The following SRSF10 variants were observed in gnomAD, a reference collection of about 807,000 sequenced individuals.
The protein encoded by SRSF10 is serine/arginine-rich splicing factor 10.
In SRSF10, 9 loss-of-function variants were observed where a neutral mutation model predicts 32.6. That is an observed-to-expected ratio of 0.28 (90% CI 0.17 to 0.48). The LOEUF (loss-of-function observed/expected upper bound fraction) is 0.48. Among genes scored for constraint, SRSF10 ranks in the 20% least tolerant of loss-of-function variants. SRSF10 has a pLI of 0.99. For missense variants in SRSF10, 201 were observed against 331.8 expected, an observed-to-expected ratio of 0.61 and a Z score of 3.06; for synonymous variants, 105 against 112.4, an observed-to-expected ratio of 0.93 and a Z score of 0.42.
chr1:23,978,545 A>G, intron 2 of SRSF10, 168 bp downstream of exon 2: 1 of 875,050 alleles, frequency 1.1e-6, no homozygotes, highest in East Asian at 3.0e-5. Flanking sequence ...TTTTTGGATT[A>G]ACTTTAATAA....
chr1:23,971,705 A>G, intron 4 of SRSF10, 79 bp from the exon 5 acceptor site: 1 of 1,540,078 alleles, frequency 6.5e-7, no homozygotes, highest in Non-Finnish European at 8.8e-7. Flanking sequence ...AAACCATAAA[A>G]CTTTTAAAAT....
At chr1:23,975,410 G>GA (rs1476296729) in intron 2 of SRSF10, 15 of 217,370 alleles carry the variant, frequency 6.9e-5, no homozygotes, top group East Asian at 6.2e-4. Flanking sequence ...AGACAAAAAA[G>GA]AAAAAACAAA....
At chr1:23,972,499 G>T (rs1045537806) in intron 3 of SRSF10, among the ~76,000 whole-genome samples, 1 of 151,680 alleles carries the variant, frequency 6.6e-6, no homozygotes, top group African/African-American at 2.4e-5. Flanking sequence ...GGAATGCAGT[G>T]GCGCAATCTC....
At chr1:23,978,248 G>A in intron 2 of SRSF10, 2 of 985,990 alleles carry the variant, frequency 2.0e-6, no homozygotes, top group Non-Finnish European at 2.4e-6. Context: ...CTTTGGGGTC[G>A]CCATAACTGT....
intron 1 of SRSF10, among the ~76,000 whole-genome samples, chr1:23,979,663 A>G (rs1168281684): frequency 6.6e-6 from 1 of 152,178 alleles, no homozygotes; most frequent in Non-Finnish European, 1.5e-5. Flanking sequence ...TAACTCCCCA[A>G]ATCTCAACGC....
chr1:23,967,820 G>A lies in SRSF10; in HGVS notation c.*3322C>T. The A allele has an allele frequency of 6.4e-7, 1 of 1,574,276 alleles. No individual in the cohort carries two copies. The highest frequency in any genetic ancestry group is 2.3e-5 in the East Asian group (1 of 44,266). ...GTTGAACTGGATGTAGCAGCTTACT[G>A]GGCCAAATTTTCAAGAGAATAATAC... On this transcript the variant is annotated 3_prime_UTR_variant, in exon 6 of 6. Coordinates refer to ENST00000492112, the MANE Select transcript of SRSF10 (RefSeq NM_054016.4).
chr1:23,971,038 T>C lies in SRSF10; in HGVS notation c.*104A>G. The C allele has an allele frequency of 6.7e-7, 1 of 1,502,956 alleles. No homozygotes were observed. Among genetic ancestry groups the C allele is most frequent in the South Asian group, 1.4e-5 (1 of 70,860 alleles). 93.1% of individuals were successfully genotyped at this position (1,502,956 alleles called of 1,614,324 possible). A position where few individuals can be genotyped will look rare whatever the true frequency, so the allele number is the denominator to read the frequency against. On this transcript the variant is annotated 3_prime_UTR_variant, in exon 6 of 6. Coordinates refer to ENST00000492112, the MANE Select transcript of SRSF10 (RefSeq NM_054016.4). ...GCCTGGTACAGGGAAAACTAACAAG[T>C]GTTTTTTAAGCATCATTGCAACATT... is the stretch of plus-strand genomic sequence containing the variant.
intron 2 of SRSF10, 123 bp from the exon 3 acceptor site, chr1:23,975,200 A>C: frequency 2.6e-6 from 2 of 763,342 alleles, no homozygotes. Context: ...CCAGACCCCC[A>C]CTTACTAGTT....
At chr1:23,976,438 G>T (rs1642096418) in intron 2 of SRSF10, 1 of 152,202 alleles carries the variant, frequency 6.6e-6, no homozygotes, top group African/African-American at 2.4e-5. Flanking sequence ...CATGAAAAGG[G>T]AAAGGCTGAT....
rs1641729453 is a variant in SRSF10 at position 23,971,113 on chromosome 1, A to T, written c.*29T>A. ...CAAACTATGAGTAAATGAATGATAC[A>T]TGCCTAAAAATGACCATGGTTTATA... On this transcript the variant is annotated 3_prime_UTR_variant, in exon 6 of 6. Transcript: ENST00000492112. 1.3e-6 allele frequency: 2 copies of T among 1,561,874 alleles called. No individual in the cohort carries two copies. The highest frequency in any genetic ancestry group is 1.4e-5 in the African/African-American group (1 of 72,642).
Position 23,970,041 on chromosome 1 carries a change from C to G in SRSF10, c.*1101G>C. On this transcript the variant is annotated 3_prime_UTR_variant, in exon 6 of 6. Coordinates refer to ENST00000492112, the MANE Select transcript of SRSF10 (RefSeq NM_054016.4). Reference sequence around the variant, plus strand: ...CACACACACAAAACCTACTTTGAAACAATTTACTTACTTAACAGCAGTAAG... The same window carrying G: ...CACACACACAAAACCTACTTTGAAAGAATTTACTTACTTAACAGCAGTAAG... 1.0e-6 allele frequency: 1 copy of G among 985,440 alleles called. No individual in the cohort carries two copies. Among genetic ancestry groups the G allele is most frequent in the Non-Finnish European group, 1.2e-6 (1 of 829,926 alleles). 61.0% of individuals were successfully genotyped at this position (985,440 alleles called of 1,614,324 possible).
chr1:23,979,169 GTAGA>G (rs1480799489), intron 1 of SRSF10, among the ~76,000 whole-genome samples: 4 of 149,590 alleles, frequency 2.7e-5, no homozygotes, highest in African/African-American at 9.8e-5. Context: ...ACACTTAACA[GTAGA>G]TAAATATGGT....
At position 23,971,237 on chromosome 1, in the gene SRSF10, GTTC is replaced by G. The variant is rs1421471489; in HGVS notation, c.691_693del (p.Glu231del). On this transcript the variant is annotated inframe_deletion, in exon 6 of 6. Transcript: ENST00000492112. ...CTTGACTGAGATTTGGATCTAGGTG[GTTC>G]TTTTTTCCTTGATTCCTTTTCATAT... The G allele has an allele frequency of 3.7e-6, 6 of 1,613,978 alleles. No individual in the cohort carries two copies. In the African/African-American group the frequency reaches 6.7e-5, roughly 18 times the overall value.
rs1642387990 is a variant in SRSF10 at position 23,980,318 on chromosome 1, G to C, written c.-63C>G. On this transcript the variant is annotated 5_prime_UTR_variant, in exon 1 of 6. Transcript: ENST00000492112. ...CAGCAAACCGTCCGCGGCTCAGGCG[G>C]CCGAGCCTCAGACACACACAGCTAG... is the stretch of plus-strand genomic sequence containing the variant. 3.6e-6 allele frequency: 5 copies of C among 1,371,680 alleles called. No homozygotes were observed. The highest frequency in any genetic ancestry group is 4.8e-6 in the Non-Finnish European group (5 of 1,052,526). 85.0% of individuals were successfully genotyped at this position (1,371,680 alleles called of 1,614,324 possible). A position where few individuals can be genotyped will look rare whatever the true frequency, so the allele number is the denominator to read the frequency against.
chr1:23,974,958 G>A lies in SRSF10; in HGVS notation c.274+16C>T. ...AAAAATAATGTTTCATACATATCAG[G>A]CATAAGGGTACTTACTCTTTCGATC... is the stretch of plus-strand genomic sequence containing the variant. On this transcript the variant is annotated intron_variant, in intron 3 of 5. Transcript: ENST00000492112. 1 of 1,546,218 alleles carries A rather than the reference G, an allele frequency of 6.5e-7. No individual in the cohort carries two copies. Among genetic ancestry groups the A allele is most frequent in the Admixed American group, 1.7e-5 (1 of 59,690 alleles).
intron 1 of SRSF10, among the ~76,000 whole-genome samples, chr1:23,979,380 C>T (rs1334559761): frequency 6.6e-6 from 1 of 152,082 alleles, no homozygotes; most frequent in East Asian, 1.9e-4. Context: ...CCACGAAACA[C>T]CAAAAACCCA....
Position 23,968,280 on chromosome 1 carries a change from C to G in SRSF10, c.*2862G>C, listed in dbSNP as rs760767444. The stretch of plus-strand genomic sequence containing the variant: ...GTCCAAGTCTAAAAATAAGTTGACA[C>G]AAGTAAAAATAAAAATGAAATTAGG... On this transcript the variant is annotated 3_prime_UTR_variant, in exon 6 of 6. Transcript: ENST00000492112. 1.7e-3 allele frequency among the ~76,000 whole-genome samples: 264 copies of G among 152,144 alleles called. No homozygotes were observed. The highest frequency in any genetic ancestry group is 6.4e-3 in the Admixed American group (97 of 15,274).
Position 23,971,322 on chromosome 1 carries a change from G to A in SRSF10, c.609C>T (p.Thr203=). ...CTGTTTTAGAGGTGCCTCTAGTTTT[G>A]GTGTGAGATGCAGACCTAGAACGTG... ...AKSRSRSASH[T]KTRGTSKTDS... Residue 203 remains threonine (T), a synonymous_variant, in exon 6 of 6, where the codon ACC becomes ACT. Coordinates refer to ENST00000492112, the MANE Select transcript of SRSF10 (RefSeq NM_054016.4). 1 of 1,613,104 alleles carries A rather than the reference G, an allele frequency of 6.2e-7. No homozygotes were observed. Among genetic ancestry groups the A allele is most frequent in the Non-Finnish European group, 8.5e-7 (1 of 1,179,876 alleles).
rs1349087913 is a variant in SRSF10, at chr1:23,972,811, G to A, written c.275-799C>T. 4.0e-5 allele frequency among the ~76,000 whole-genome samples: 6 copies of A among 148,274 alleles called. No individual in the cohort carries two copies. The South Asian group carries it at 8.7e-4, about 22-fold the overall frequency. ...GGCCGGAGTGCGATGGCGCAATCTCGGCTCACCACAACCTCCGTCTCCTGA... is the reference window on the plus strand; with the variant it reads ...GGCCGGAGTGCGATGGCGCAATCTCAGCTCACCACAACCTCCGTCTCCTGA... On this transcript the variant is annotated intron_variant, in intron 3 of 5. Transcript: ENST00000492112.
Sources: allele counts gnomAD v4.1 joint callset (sites outside exome capture counted in the v4.1 genomes callset), GRCh38; gene constraint gnomAD v4.1.1; transcripts MANE v1.5; gene names NCBI Gene and HGNC (gene_info 2026-07-23, HGNC 2026-07-21).